The following SSH2 variants were observed in gnomAD, a reference collection of about 807,000 sequenced individuals.
The protein encoded by SSH2 is slingshot protein phosphatase 2.
SSH2 carries 37 observed loss-of-function variants against 135.2 expected under a neutral mutation model. The observed-to-expected ratio is 0.27, with a 90% confidence interval of 0.21 to 0.36. SSH2 has a LOEUF of 0.36. SSH2 is among the 10% of genes least tolerant of loss of function. The probability of loss-of-function intolerance (pLI) is 1.00; values close to 1 mark genes in which losing one functional copy is unlikely to be tolerated. For synonymous variants in SSH2, 628 were observed against 646.2 expected (o/e 0.97, Z 0.43); for missense variants, 1,408 against 1,765.3 (o/e 0.80, Z 3.63).
intron 1 of SSH2, among the ~76,000 whole-genome samples, chr17:29,882,503 G>A (rs1352482339): frequency 7.6e-6 from 1 of 132,358 alleles, no homozygotes; most frequent in Non-Finnish European, 1.7e-5. Flanking sequence ...TGTAATCCCA[G>A]CACTTTGGGG....
intron 2 of SSH2, among the ~76,000 whole-genome samples, chr17:29,848,613 A>G (rs924485100): frequency 1.3e-5 from 2 of 152,198 alleles, no homozygotes; most frequent in Non-Finnish European, 2.9e-5. Flanking sequence ...CATTTTTTCT[A>G]CTTTGATAAA....
In SSH2 at chr17:29,891,593, G is replaced by GA. The variant is rs200814194; in HGVS notation, c.63+38344dup. On this transcript the variant is annotated intron_variant, in intron 1 of 15. Transcript: ENST00000540801. ...TGTTGAATATTATGTCATAGTAATA[G>GA]AAAAAAAAAAACAAAATAGCCTTCA... Among the ~76,000 whole-genome samples the GA allele has an allele frequency of 1.3e-3, 182 of 137,134 alleles. 1 individual carries two copies. The highest frequency in any genetic ancestry group is 3.7e-3 in the Middle Eastern group (1 of 268). 90.0% of individuals were successfully genotyped at this position (137,134 alleles called of 152,430 possible).
intron 1 of SSH2, among the ~76,000 whole-genome samples, chr17:29,856,657 G>T (rs1371940294): frequency 3.3e-5 from 5 of 152,134 alleles, no homozygotes; most frequent in Non-Finnish European, 7.3e-5. Context: ...AACTAAGAAG[G>T]TGTCAAAGAG....
chr17:29,736,391 C>G (rs1004670760), intron 3 of SSH2, among the ~76,000 whole-genome samples: 3 of 152,182 alleles, frequency 2.0e-5, no homozygotes, highest in Non-Finnish European at 2.9e-5. Flanking sequence ...AGTGATTCAG[C>G]ATCCAAGGAA....
chr17:29,764,966 G>C (rs940257787), intron 3 of SSH2, among the ~76,000 whole-genome samples: 4 of 152,168 alleles, frequency 2.6e-5, no homozygotes, highest in African/African-American at 7.2e-5. Flanking sequence ...ATATGTTTTT[G>C]CTGCTGTGAC....
intron 3 of SSH2, among the ~76,000 whole-genome samples, chr17:29,749,817 C>T (rs1333449224): frequency 6.6e-6 from 1 of 152,126 alleles, no homozygotes; most frequent in African/African-American, 2.4e-5. Context: ...ATCTCTGCCT[C>T]CTGGGCTCAA....
chr17:29,660,087 CA>C (rs2036966455), intron 11 of SSH2, among the ~76,000 whole-genome samples: 1 of 152,030 alleles, frequency 6.6e-6, no homozygotes, highest in African/African-American at 2.4e-5. Context: ...CTTGGCCTCC[CA>C]AAGTGCTGGG....
rs2035745818 is a variant in SSH2, at chr17:29,632,862, C to G, written c.2332G>C (p.Glu778Gln). The G allele has an allele frequency of 6.2e-7, 1 of 1,614,054 alleles. No individual in the cohort carries two copies. Among genetic ancestry groups the G allele is most frequent in the African/African-American group, 1.3e-5 (1 of 74,928 alleles). Reference sequence around the variant, plus strand: ...ATGGACTCAATTTCAGTGACAATTTCTTTGACTGAAATTGCATTTTCCGAG... The same window carrying G: ...ATGGACTCAATTTCAGTGACAATTTGTTTGACTGAAATTGCATTTTCCGAG... The part of the protein sequence containing the change: ...SHSENAISVK[E>Q]IVTEIESISQ... The change falls in exon 16 of 16, where the codon GAA becomes CAA. Residue 778 changes from glutamate (E) to glutamine (Q), a missense_variant. Around this residue, in one of 3 missense-constraint regions of SSH2, gnomAD observed 1,080 missense variants for 1,144.5 expected, o/e 0.94. Coordinates refer to ENST00000540801, the MANE Select transcript of SSH2 (RefSeq NM_001282129.2).
intron 2 of SSH2, among the ~76,000 whole-genome samples, chr17:29,826,866 C>T (rs946523211): frequency 2.6e-5 from 4 of 152,088 alleles, no homozygotes; most frequent in South Asian, 4.2e-4. Context: ...AAAGCAAGGC[C>T]GAGTGATTCT....
At chr17:29,696,361 T>C (rs1171683333) in intron 4 of SSH2, among the ~76,000 whole-genome samples, 3 of 148,614 alleles carry the variant, frequency 2.0e-5, no homozygotes, top group Non-Finnish European at 3.0e-5. Flanking sequence ...TATACTCTCA[T>C]AATATCCATA....
chr17:29,800,753 C>G (rs897805775), intron 2 of SSH2, among the ~76,000 whole-genome samples: 1 of 151,476 alleles, frequency 6.6e-6, no homozygotes, highest in Non-Finnish European at 1.5e-5. Context: ...TGTTAAATAG[C>G]TTTTAAAGAG....
At chr17:29,700,187 G>A (rs2038919567) in intron 4 of SSH2, among the ~76,000 whole-genome samples, 1 of 152,124 alleles carries the variant, frequency 6.6e-6, no homozygotes, top group African/African-American at 2.4e-5. Context: ...TCCTTTCTTA[G>A]TAATTACAAT....
intron 4 of SSH2, among the ~76,000 whole-genome samples, chr17:29,696,170 T>TAC (rs1410407126): frequency 1.3e-4 from 15 of 117,356 alleles, no homozygotes; most frequent in Admixed American, 5.5e-4. Flanking sequence ...AGTATGTATA[T>TAC]ATATACACAC....
intron 3 of SSH2, chr17:29,761,290 A>G (rs1287677364): frequency 3.9e-6 from 5 of 1,283,766 alleles, no homozygotes; most frequent in Non-Finnish European, 5.1e-6. Context: ...GGCCGGCTCA[A>G]AGTGCACAAC....
At chr17:29,638,327 T>C (rs1319925549) in intron 14 of SSH2, among the ~76,000 whole-genome samples, 2 of 150,888 alleles carry the variant, frequency 1.3e-5, no homozygotes, top group South Asian at 2.1e-4. Context: ...TCAGGTATTT[T>C]AGTGGAATGA....
chr17:29,904,391 A>C (rs902886970), intron 1 of SSH2, among the ~76,000 whole-genome samples: 2 of 152,194 alleles, frequency 1.3e-5, no homozygotes, highest in African/African-American at 4.8e-5. Context: ...ACAGAACTAA[A>C]GACAAAAACC....
chr17:29,829,202 T>G (rs1052423934), intron 2 of SSH2, among the ~76,000 whole-genome samples: 2 of 152,212 alleles, frequency 1.3e-5, no homozygotes, highest in African/African-American at 4.8e-5. Flanking sequence ...TTAGTCGAAG[T>G]GCTCTGCAAC....
intron 1 of SSH2, among the ~76,000 whole-genome samples, chr17:29,896,925 C>A (rs192319819): frequency 6.6e-6 from 1 of 151,344 alleles, no homozygotes; most frequent in African/African-American, 2.4e-5. Context: ...AAGGGGGGTA[C>A]GAAAATGAAC....
At chr17:29,702,430 A>G (rs2039022811) in intron 4 of SSH2, among the ~76,000 whole-genome samples, 1 of 150,980 alleles carries the variant, frequency 6.6e-6, no homozygotes, top group African/African-American at 2.5e-5. Flanking sequence ...TGAGGCAGGC[A>G]GATCACCTGA....
Sources: allele counts gnomAD v4.1 joint callset (sites outside exome capture counted in the v4.1 genomes callset), GRCh38; gene constraint gnomAD v4.1.1; regional missense constraint gnomAD v4.1.1; transcripts MANE v1.5; gene names NCBI Gene and HGNC (gene_info 2026-07-23, HGNC 2026-07-21).